The following TMEM232 variants were observed in gnomAD, a reference collection of about 807,000 sequenced individuals.
TMEM232 encodes the protein transmembrane protein 232.
In TMEM232, 80 loss-of-function variants were observed where a neutral mutation model predicts 78.8. That is an observed-to-expected ratio of 1.01 (90% confidence interval 0.85 to 1.22). The LOEUF (loss-of-function observed/expected upper bound fraction) is 1.22. TMEM232 is among the 50% of genes most tolerant of loss of function. TMEM232 has a pLI of 0.00. For missense variants in TMEM232, 881 were observed against 742.2 expected (o/e 1.19, Z -2.17); for synonymous variants, 297 against 254.3 (o/e 1.17, Z -1.60).
At chr5:110,594,002 T>G (rs1179191733) in intron 10 of TMEM232, among the ~76,000 whole-genome samples, 2 of 152,070 alleles carry the variant, frequency 1.3e-5, no homozygotes, top group East Asian at 3.9e-4. Flanking sequence ...CACACTGTTG[T>G]GGGGAGTCTG....
upstream of TMEM232, chr5:110,738,794 T>C (rs1172796262): frequency 2.3e-6 from 1 of 443,488 alleles, no homozygotes; most frequent in African/African-American, 2.1e-5. Flanking sequence ...GCAGGCCCTA[T>C]TCCTACACCA....
chr5:110,489,019 C>T (rs1764751821), intron 12 of TMEM232, among the ~76,000 whole-genome samples: 1 of 151,470 alleles, frequency 6.6e-6, no homozygotes, highest in African/African-American at 2.4e-5. Context: ...AAATAGAAAA[C>T]CTGAATAGAC....
At chr5:110,718,488 T>G (rs73228194) in intron 1 of TMEM232, among the ~76,000 whole-genome samples, 4,233 of 152,218 alleles carry the variant, frequency 0.028, 198 homozygotes, top group African/African-American at 0.097. Context: ...TCTTTGTATG[T>G]GATGAGTCAT....
chr5:110,730,515 CA>C (rs1798575029), upstream of TMEM232, among the ~76,000 whole-genome samples: 1 of 152,108 alleles, frequency 6.6e-6, no homozygotes, highest in East Asian at 1.9e-4. Context: ...AGTACATACC[CA>C]AAACTGGGAA....
At chr5:110,602,470 AGT>A (rs956362407) in intron 10 of TMEM232, among the ~76,000 whole-genome samples, 1 of 152,154 alleles carries the variant, frequency 6.6e-6, no homozygotes, top group African/African-American at 2.4e-5. Flanking sequence ...CCCATCAACA[AGT>A]GGGCAAAGGA....
At chr5:110,442,756 T>C (rs1759205837) in intron 12 of TMEM232, among the ~76,000 whole-genome samples, 2 of 152,102 alleles carry the variant, frequency 1.3e-5, no homozygotes, top group African/African-American at 4.8e-5. Flanking sequence ...TTTCTTGTGG[T>C]CATCCTTCTG....
chr5:110,667,280 G>T lies in TMEM232; in HGVS notation c.73C>A (p.Leu25Ile). The T allele has an allele frequency of 6.5e-7, 1 of 1,545,948 alleles. No individual in the cohort carries two copies. The highest frequency in any genetic ancestry group is 8.7e-7 in the Non-Finnish European group (1 of 1,143,656). Residue 25 changes from leucine to isoleucine, a missense_variant, in exon 2 of 14, where the codon CTC (leucine) becomes ATC (isoleucine). By Grantham distance (5) the Leu-to-Ile change is conservative. Transcript: ENST00000455884. ...GGISSPYHEE[L>I]WKLNFQHLSG... ...AAATGTTGAAAATTTAATTTCCAGA[G>T]CTCTTCATGATAAGGGGAAGATATG...
intron 11 of TMEM232, among the ~76,000 whole-genome samples, chr5:110,552,129 G>C (rs1467639886): frequency 6.6e-6 from 1 of 151,990 alleles, no homozygotes; most frequent in Non-Finnish European, 1.5e-5. Flanking sequence ...AATACAAGTA[G>C]AATTAAAATG....
intron 1 of TMEM232, among the ~76,000 whole-genome samples, chr5:110,681,986 A>T (rs1003549801): frequency 1.3e-5 from 2 of 152,222 alleles, no homozygotes; most frequent in Non-Finnish European, 2.9e-5. Flanking sequence ...TTTACAACAG[A>T]AATAAAAAAA....
chr5:110,561,502 C>T (rs1775743695), intron 11 of TMEM232, among the ~76,000 whole-genome samples: 1 of 151,892 alleles, frequency 6.6e-6, no homozygotes, highest in Admixed American at 6.6e-5. Context: ...CAAATCTTAG[C>T]AATCATAAGT....
chr5:110,652,294 G>GCACACACACATA lies in TMEM232; in HGVS notation c.126-9924_126-9923insTATGTGTGTGTG, dbSNP rs1554069170. The stretch of plus-strand genomic sequence containing the variant: ...CAAGCACACAAAAGTGCACGCGCGC[G>GCACACACACATA]CACACACACACACACACACACACAC... On this transcript the variant is annotated intron_variant, in intron 2 of 13. Transcript: ENST00000455884. Among the ~76,000 whole-genome samples the GCACACACACATA allele has an allele frequency of 2.1e-5, 3 of 145,452 alleles. No homozygotes were observed. In the East Asian group the frequency reaches 6.2e-4, roughly 30 times the overall value.
chr5:110,646,795 G>T (rs1472289444), intron 2 of TMEM232, among the ~76,000 whole-genome samples: 1 of 151,678 alleles, frequency 6.6e-6, no homozygotes, highest in South Asian at 2.1e-4. Flanking sequence ...ATCTGAGAAG[G>T]TGCTAATATC....
chr5:110,522,002 A>G (rs1484280912), intron 12 of TMEM232, among the ~76,000 whole-genome samples: 1 of 152,158 alleles, frequency 6.6e-6, no homozygotes, highest in East Asian at 1.9e-4. Context: ...AGAAAATGCC[A>G]TTGTGATTTT....
At chr5:110,493,551 A>G (rs973072607) in intron 12 of TMEM232, among the ~76,000 whole-genome samples, 1 of 152,098 alleles carries the variant, frequency 6.6e-6, no homozygotes, top group Admixed American at 6.6e-5. Context: ...TTGATATGCA[A>G]TATATATGGC....
intron 11 of TMEM232, among the ~76,000 whole-genome samples, chr5:110,562,854 T>A (rs903083863): frequency 6.6e-6 from 1 of 151,988 alleles, no homozygotes; most frequent in African/African-American, 2.4e-5. Context: ...AATTAAGTGA[T>A]TTTTTCAAAG....
intron 12 of TMEM232, among the ~76,000 whole-genome samples, chr5:110,435,461 T>A (rs1758324640): frequency 6.7e-6 from 1 of 150,196 alleles, no homozygotes. Context: ...CCTCAAGCAT[T>A]CCTTGGATTG....
At chr5:110,518,901 A>C (rs2149492937) in intron 12 of TMEM232, among the ~76,000 whole-genome samples, 1 of 152,338 alleles carries the variant, frequency 6.6e-6, no homozygotes, top group Non-Finnish European at 1.5e-5. Context: ...AAATAAGCAC[A>C]AAAATATATG....
chr5:110,455,056 C>A (rs888875085), intron 12 of TMEM232, among the ~76,000 whole-genome samples: 1 of 151,820 alleles, frequency 6.6e-6, no homozygotes, highest in East Asian at 1.9e-4. Flanking sequence ...ATGCAATGGG[C>A]AAATTCCTTG....
At chr5:110,534,678 C>G (rs1278035645) in intron 11 of TMEM232, among the ~76,000 whole-genome samples, 1 of 152,186 alleles carries the variant, frequency 6.6e-6, no homozygotes, top group Non-Finnish European at 1.5e-5. Flanking sequence ...GCCATCACAG[C>G]TGATATCTCC....
Sources: gnomAD v4.1 joint callset for allele counts (sites outside exome capture counted in the v4.1 genomes callset) on GRCh38, gnomAD v4.1.1 for gene constraint, MANE v1.5 for transcripts, NCBI Gene and HGNC (gene_info 2026-07-23, HGNC 2026-07-21) for gene names.